The following DIP2C variants were observed in gnomAD, a reference collection of about 807,000 sequenced individuals.
DIP2C encodes DIP2 acetate--CoA ligase C (putative), also known as disco-interacting protein 2 homolog C.
Under a neutral mutation model 192.4 loss-of-function variants are expected in DIP2C, and 33 were observed. The ratio of observed to expected loss-of-function variants is 0.17; its 90% CI spans 0.13 to 0.23. The LOEUF is 0.23. Ranked by LOEUF, DIP2C falls within the 10% of genes least tolerant of loss-of-function variation. The pLI, the probability that DIP2C is intolerant of heterozygous loss-of-function variation, is 1.00. For missense variants in DIP2C, 1,537 were observed against 2,110.1 expected (o/e 0.73, Z 5.32); for synonymous variants, 979 against 864.1 (o/e 1.13, Z -2.33).
At position 626,312 on chromosome 10, in the gene DIP2C, C is replaced by A. The variant is rs1241081679; in HGVS notation, c.85+63182G>T. Among the ~76,000 whole-genome samples, 6 of 152,136 alleles carry A rather than the reference C, an allele frequency of 3.9e-5. No individual in the cohort carries two copies. In the East Asian group the frequency reaches 7.7e-4, roughly 20 times the overall value. On this transcript the variant is annotated intron_variant, in intron 1 of 36. Transcript: ENST00000280886. ...GTTCATACTGGGCCAATCCCAGCTG[C>A]CAGGCTCTGGGGCTCCTGGGGACAG... is the stretch of plus-strand genomic sequence containing the variant.
intron 8 of DIP2C, among the ~76,000 whole-genome samples, 200 bp downstream of exon 8, chr10:413,713 C>T (rs928949810): frequency 3.5e-5 from 5 of 144,556 alleles, no homozygotes; most frequent in Non-Finnish European, 7.6e-5. Context: ...GGTAAACCTC[C>T]GGATTACCTT....
chr10:576,313 C>A (rs934352565), intron 1 of DIP2C, among the ~76,000 whole-genome samples: 6 of 152,220 alleles, frequency 3.9e-5, no homozygotes, highest in Non-Finnish European at 1.5e-5. Context: ...CACACTCGAG[C>A]ACTCACTGAC....
At chr10:365,822 G>C (rs1960119500) in intron 19 of DIP2C, among the ~76,000 whole-genome samples, 1 of 152,146 alleles carries the variant, frequency 6.6e-6, no homozygotes, top group South Asian at 2.1e-4. Context: ...GTTCTCACAG[G>C]TTCATACCTG....
intron 1 of DIP2C, among the ~76,000 whole-genome samples, chr10:640,039 C>T (rs997113067): frequency 6.7e-6 from 1 of 150,158 alleles, no homozygotes; most frequent in African/African-American, 2.5e-5. Context: ...AAATCTCCCA[C>T]ACCCGCCACG....
chr10:526,670 C>T (rs188307912), intron 1 of DIP2C, among the ~76,000 whole-genome samples: 213 of 152,334 alleles, frequency 1.4e-3, no homozygotes, highest in Admixed American at 4.6e-3. Context: ...TTCTGGGTCT[C>T]CTGATCTAAG....
chr10:573,981 T>TCC (rs1319118316), intron 1 of DIP2C, among the ~76,000 whole-genome samples: 1 of 152,076 alleles, frequency 6.6e-6, no homozygotes, highest in Admixed American at 6.5e-5. Context: ...TGAACGGTCC[T>TCC]CCCTGTCACT....
chr10:621,255 T>A (rs1309520280), intron 1 of DIP2C, among the ~76,000 whole-genome samples: 2 of 150,438 alleles, frequency 1.3e-5, no homozygotes, highest in Non-Finnish European at 3.0e-5. Flanking sequence ...TGTGCCAATA[T>A]GAGCACACAC....
chr10:557,269 G>C (rs949921596), intron 1 of DIP2C, among the ~76,000 whole-genome samples: 1 of 152,216 alleles, frequency 6.6e-6, no homozygotes, highest in Non-Finnish European at 1.5e-5. Context: ...CTCCAGCCCA[G>C]CTGAACCTAC....
intron 1 of DIP2C, among the ~76,000 whole-genome samples, chr10:641,009 T>C (rs1483677089): frequency 2.0e-5 from 3 of 152,036 alleles, no homozygotes; most frequent in Admixed American, 1.3e-4. Context: ...TACGTAATAA[T>C]CAACAACGTT....
At chr10:288,502 C>A in intron 32 of DIP2C, 81 bp from the exon 33 acceptor site, 1 of 1,461,528 alleles carries the variant, frequency 6.8e-7, no homozygotes, top group Non-Finnish European at 9.6e-7. Flanking sequence ...AGGTCACGAG[C>A]CTGGCAGCTG....
At chr10:530,040 C>CA (rs1029492418) in intron 1 of DIP2C, among the ~76,000 whole-genome samples, 4 of 151,884 alleles carry the variant, frequency 2.6e-5, no homozygotes, top group African/African-American at 9.7e-5. Flanking sequence ...AAGGTGGATG[C>CA]ACTCCGGTTG....
intron 1 of DIP2C, among the ~76,000 whole-genome samples, chr10:659,205 G>C (rs115026459): frequency 6.6e-6 from 1 of 152,122 alleles, no homozygotes; most frequent in Non-Finnish European, 1.5e-5. Flanking sequence ...GAGCATCCAC[G>C]CATGCATACT....
At chr10:593,667 T>C (rs1564243555) in intron 1 of DIP2C, among the ~76,000 whole-genome samples, 1 of 151,734 alleles carries the variant, frequency 6.6e-6, no homozygotes, top group African/African-American at 2.4e-5. Context: ...ACGGGCGGGG[T>C]CCCCAGATGC....
At chr10:591,807 A>G (rs1267638508) in intron 1 of DIP2C, among the ~76,000 whole-genome samples, 1 of 151,142 alleles carries the variant, frequency 6.6e-6, no homozygotes, top group African/African-American at 2.5e-5. Flanking sequence ...TCCTTTTCAG[A>G]ACTTCCACAG....
chr10:518,378 C>T (rs1378289757), intron 1 of DIP2C, among the ~76,000 whole-genome samples: 1 of 152,230 alleles, frequency 6.6e-6, no homozygotes, highest in Non-Finnish European at 1.5e-5. Context: ...CTCCCCTGGC[C>T]CTGATGTGTA....
At chr10:350,224 G>T (rs1361535071) in intron 24 of DIP2C, among the ~76,000 whole-genome samples, 1 of 152,072 alleles carries the variant, frequency 6.6e-6, no homozygotes, top group African/African-American at 2.4e-5. Flanking sequence ...TGGGACTACA[G>T]GTGCCACCAT....
rs1965366693 is a variant in DIP2C at position 414,008 on chromosome 10, T to G, written c.962A>C (p.Glu321Ala). Residue 321 changes from glutamate to alanine, a missense_variant, in exon 8 of 37, where the codon GAG (glutamate) becomes GCG (alanine). This residue lies in a region of DIP2C where 473 missense variants were observed against 539.6 expected (regional missense o/e 0.88). Transcript: ENST00000280886. ...GVVTNWPPSL[E>A]AALQRWGTIS... ...GGTGCCCCACCTCTGCAGTGCGGCC[T>G]CCAGCGACGGCGGCCAGTTCGTGAC... 3 of 1,614,120 alleles carry G rather than the reference T, an allele frequency of 1.9e-6. No homozygotes were observed. Among genetic ancestry groups the G allele is most frequent in the Non-Finnish European group, 1.7e-6 (2 of 1,179,996 alleles).
chr10:393,182 T>C (rs997355099), intron 10 of DIP2C, among the ~76,000 whole-genome samples: 3 of 152,192 alleles, frequency 2.0e-5, no homozygotes, highest in South Asian at 2.1e-4. Flanking sequence ...CCTCCCAGGA[T>C]GCATTCAGAA....
chr10:560,121 T>A (rs1307558006), intron 1 of DIP2C, among the ~76,000 whole-genome samples: 2 of 151,996 alleles, frequency 1.3e-5, no homozygotes, highest in Admixed American at 1.3e-4. Context: ...AAGACAATCA[T>A]GATTTTAGAA....
Sources: allele counts gnomAD v4.1 joint callset (sites outside exome capture counted in the v4.1 genomes callset), GRCh38; gene constraint gnomAD v4.1.1; regional missense constraint gnomAD v4.1.1; transcripts MANE v1.5; gene names NCBI Gene and HGNC (gene_info 2026-07-23, HGNC 2026-07-21).